The following SORCS1 variants were observed in gnomAD, a reference collection of about 807,000 sequenced individuals.
SORCS1 encodes VPS10 domain-containing receptor SorCS1.
In SORCS1, 60 loss-of-function variants were observed where a neutral mutation model predicts 146.1. The observed-to-expected ratio is 0.41, with a 90% CI of 0.33 to 0.51. The LOEUF (loss-of-function observed/expected upper bound fraction) is 0.51, where lower values mean the gene tolerates loss of function less well. Ranked by LOEUF, SORCS1 falls within the 20% of genes least tolerant of loss-of-function variation. SORCS1 has a pLI of 0.21. For missense variants in SORCS1, 1,352 were observed against 1,487.6 expected, an observed-to-expected ratio of 0.91 and a Z score of 1.50; for synonymous variants, 637 against 584.0, an observed-to-expected ratio of 1.09 and a Z score of -1.31.
chr10:106,646,903 A>C (rs1849479976), intron 18 of SORCS1, among the ~76,000 whole-genome samples: 1 of 150,250 alleles, frequency 6.7e-6, no homozygotes, highest in Admixed American at 6.7e-5. Flanking sequence ...GTGTGTGTCT[A>C]TATATATATA....
rs985646172 is a variant in SORCS1, at chr10:106,679,807, T to C, written c.1561-73A>G. On this transcript the variant is annotated intron_variant, in intron 10 of 25. Transcript: ENST00000263054. ...TCATTTGAAGCTCAGAATCAGATCATCCATCCATCTAACCAACCATCCCAT... is the reference window on the plus strand; with the variant it reads ...TCATTTGAAGCTCAGAATCAGATCACCCATCCATCTAACCAACCATCCCAT... 87 of 1,182,110 alleles carry C rather than the reference T, an allele frequency of 7.4e-5. No homozygotes were observed. In the African/African-American group the frequency reaches 1.3e-3, roughly 17 times the overall value. The allele number at this position is 1,182,110 out of a possible 1,614,324, so 73.2% of individuals were successfully genotyped here.
intron 2 of SORCS1, among the ~76,000 whole-genome samples, chr10:106,943,798 AGACT>A (rs1954174075): frequency 6.6e-6 from 1 of 152,142 alleles, no homozygotes; most frequent in Non-Finnish European, 1.5e-5. Context: ...CAACAGAGTG[AGACT>A]CCATCTCAAA....
At chr10:106,947,474 TCTGTCTGACTAGCTGG>T (rs1157315415) in intron 2 of SORCS1, among the ~76,000 whole-genome samples, 14 of 152,188 alleles carry the variant, frequency 9.2e-5, no homozygotes, top group Non-Finnish European at 1.9e-4. Context: ...AGGAGCCAGC[TCTGTCTGACTAGCTGG>T]CTGTCAGACC....
intron 23 of SORCS1, among the ~76,000 whole-genome samples, chr10:106,602,578 A>G (rs1034660436): frequency 1.4e-5 from 2 of 146,162 alleles, no homozygotes; most frequent in Non-Finnish European, 3.0e-5. Flanking sequence ...TAGCCTGATT[A>G]AAGTGCCTAA....
chr10:106,766,922 G>A (rs1859617344), intron 4 of SORCS1, among the ~76,000 whole-genome samples: 2 of 152,130 alleles, frequency 1.3e-5, no homozygotes, highest in Non-Finnish European at 2.9e-5. Flanking sequence ...GTGTTCTAGG[G>A]GAATGGGTCA....
intron 1 of SORCS1, among the ~76,000 whole-genome samples, chr10:107,026,386 G>T (rs993784248): frequency 6.6e-6 from 1 of 152,160 alleles, no homozygotes; most frequent in Admixed American, 6.5e-5. Flanking sequence ...TTGGGAGGCT[G>T]AGGCAGGCGG....
chr10:107,095,606 G>A (rs183079945), intron 1 of SORCS1, among the ~76,000 whole-genome samples: 204 of 152,204 alleles, frequency 1.3e-3, no homozygotes, highest in Middle Eastern at 6.8e-3. Context: ...GGGTGCTGGC[G>A]AGCAAGCAGT....
intron 1 of SORCS1, among the ~76,000 whole-genome samples, chr10:107,131,490 A>G (rs1339761319): frequency 6.6e-6 from 1 of 152,172 alleles, no homozygotes; most frequent in Non-Finnish European, 1.5e-5. Context: ...TGGGAGGCCA[A>G]GGTGGGTGGA....
chr10:106,581,913 T>C (rs903067666), intron 24 of SORCS1, among the ~76,000 whole-genome samples: 1 of 152,132 alleles, frequency 6.6e-6, no homozygotes, highest in Non-Finnish European at 1.5e-5. Context: ...GGGCCACAGA[T>C]GATTGGGATG....
chr10:107,035,273 AAACAAC>A lies in SORCS1; in HGVS notation c.559-78699_559-78694del, dbSNP rs1291761755. On this transcript the variant is annotated intron_variant, in intron 1 of 25. Coordinates refer to ENST00000263054, the MANE Select transcript of SORCS1 (RefSeq NM_052918.5). ...GTCCAGTGAAGCTTCAAAAAAAAAAAAACAACAAAAAAAAAAACACAGAAAAACTTC... is the reference window on the plus strand; with the variant it reads ...GTCCAGTGAAGCTTCAAAAAAAAAAAAAAAAAAAAAACACAGAAAAACTTC... Among the ~76,000 whole-genome samples the A allele has an allele frequency of 5.9e-4, 85 of 143,692 alleles. 1 individual carries two copies. Among genetic ancestry groups the A allele is most frequent in the African/African-American group, 2.3e-3 (84 of 36,726 alleles). The allele number at this position is 143,692 out of a possible 152,430, so 94.3% of individuals were successfully genotyped here. A position where few individuals can be genotyped will look rare whatever the true frequency, so the allele number is the denominator to read the frequency against.
intron 1 of SORCS1, among the ~76,000 whole-genome samples, chr10:107,040,840 A>G (rs1959121020): frequency 6.6e-6 from 1 of 152,182 alleles, no homozygotes. Context: ...CATGGTATTT[A>G]CCAGCGTTGG....
intron 18 of SORCS1, among the ~76,000 whole-genome samples, chr10:106,636,834 G>A (rs764935209): frequency 2.6e-5 from 4 of 152,102 alleles, no homozygotes; most frequent in Non-Finnish European, 4.4e-5. Context: ...TCTTAACTCC[G>A]AGTCCAGCAC....
intron 1 of SORCS1, among the ~76,000 whole-genome samples, chr10:106,982,896 G>A (rs1956294090): frequency 6.6e-6 from 1 of 151,818 alleles, no homozygotes; most frequent in Admixed American, 6.6e-5. Context: ...AGTCCTGAAG[G>A]CAGCCTATTG....
chr10:106,672,316 G>A (rs1241511073), intron 15 of SORCS1, among the ~76,000 whole-genome samples: 1 of 152,156 alleles, frequency 6.6e-6, no homozygotes, highest in African/African-American at 2.4e-5. Context: ...TTTGATATAA[G>A]CTGGATATGT....
At chr10:106,702,235 C>T (rs753444235) in intron 8 of SORCS1, among the ~76,000 whole-genome samples, 9 of 152,310 alleles carry the variant, frequency 5.9e-5, no homozygotes, top group Middle Eastern at 3.4e-3. Flanking sequence ...TAAATCCTTA[C>T]CTTGGCCTTG....
chr10:107,099,812 T>C (rs1964794097), intron 1 of SORCS1, among the ~76,000 whole-genome samples: 1 of 152,260 alleles, frequency 6.6e-6, no homozygotes, highest in African/African-American at 2.4e-5. Flanking sequence ...ATTAAGTGCC[T>C]ACTATGTGCC....
chr10:106,737,614 AC>A (rs1423621263), intron 5 of SORCS1, among the ~76,000 whole-genome samples: 2 of 152,018 alleles, frequency 1.3e-5, no homozygotes, highest in African/African-American at 4.8e-5. Context: ...AATCCCAGCT[AC>A]TCAGGAGGCT....
At position 106,652,524 on chromosome 10, in the gene SORCS1, G is replaced by C; in HGVS notation, c.2333C>G (p.Thr778Ser). 3 of 1,613,932 alleles carry C rather than the reference G, an allele frequency of 1.9e-6. No homozygotes were observed. Among genetic ancestry groups the C allele is most frequent in the Non-Finnish European group, 2.5e-6 (3 of 1,179,822 alleles). ...GYRKVVSNNC[T>S]DGVREQYTAK... ...AGTGTACTGTTCCCTTACGCCATCA[G>C]TGCAATTATTGGAAACCACCTTCCT... is the stretch of plus-strand genomic sequence containing the variant. The change falls in exon 18 of 26, where the codon ACT becomes AGT. Residue 778 changes from threonine to serine, a missense_variant. Thr to Ser is a moderately conservative substitution (Grantham distance 58). This residue lies in a region of SORCS1 where 648 missense variants were observed against 793.8 expected (regional missense o/e 0.82). Transcript: ENST00000263054.
At chr10:106,595,238 G>A (rs1166958814) in intron 24 of SORCS1, among the ~76,000 whole-genome samples, 1 of 152,168 alleles carries the variant, frequency 6.6e-6, no homozygotes, top group Non-Finnish European at 1.5e-5. Flanking sequence ...AGTTTATGAG[G>A]GCAGAGACTC....
Sources: gnomAD v4.1 joint callset for allele counts (sites outside exome capture counted in the v4.1 genomes callset) on GRCh38, gnomAD v4.1.1 for gene constraint, gnomAD v4.1.1 regional missense constraint, MANE v1.5 for transcripts, NCBI Gene and HGNC (gene_info 2026-07-23, HGNC 2026-07-21) for gene names.